CCDC92: variants seen among roughly 807,000 people sequenced by gnomAD.
CCDC92 encodes the protein coiled-coil domain containing 92.
Under a neutral mutation model 24.9 loss-of-function variants are expected in CCDC92, and 12 were observed. The observed-to-expected ratio is 0.48, with a 90% CI of 0.31 to 0.78. The LOEUF (loss-of-function observed/expected upper bound fraction) is 0.78. Ranked by LOEUF, CCDC92 falls within the 30% of genes least tolerant of loss-of-function variation. The pLI is 0.05. For missense variants in CCDC92, 399 were observed against 439.4 expected, an observed-to-expected ratio of 0.91 and a Z score of 0.82; for synonymous variants, 193 against 196.3, an observed-to-expected ratio of 0.98 and a Z score of 0.14.
chr12:123,953,864 G>A (rs925205815), intron 1 of CCDC92, among the ~76,000 whole-genome samples: 7 of 152,186 alleles, frequency 4.6e-5, no homozygotes, highest in Non-Finnish European at 1.0e-4. Context: ...ACTGAGGCAA[G>A]AGAATCGCTT....
chr12:123,970,490 C>T (rs1253521805), intron 1 of CCDC92: 1 of 152,240 alleles, frequency 6.6e-6, no homozygotes, highest in African/African-American at 2.4e-5. Context: ...ACAATTAGGA[C>T]ACAGCCACTT....
intron 1 of CCDC92, among the ~76,000 whole-genome samples, chr12:123,950,873 A>T (rs747320102): frequency 1.3e-5 from 2 of 152,038 alleles, no homozygotes; most frequent in Non-Finnish European, 2.9e-5. Context: ...CACATTTCTG[A>T]TCACCTTGCA....
At chr12:123,949,571 T>C (rs1436299986) in intron 1 of CCDC92, among the ~76,000 whole-genome samples, 2 of 152,188 alleles carry the variant, frequency 1.3e-5, no homozygotes, top group South Asian at 2.1e-4. Context: ...GCAGAAGCAA[T>C]GCAAATGGGT....
In CCDC92 at chr12:123,944,168, G is replaced by A. The variant is rs1955775540; in HGVS notation, c.34+104C>T. 6.5e-6 allele frequency: 5 copies of A among 772,718 alleles called. No homozygotes were observed. In the Admixed American group the frequency reaches 1.0e-4, roughly 15 times the overall value. The allele number at this position is 772,718 out of a possible 1,614,324, so 47.9% of individuals were successfully genotyped here. On this transcript the variant is annotated intron_variant, in intron 2 of 4. Transcript: ENST00000238156. ...GGGAAGGTCTGAGAACGTATCTCATGGGGCCAGGGGGTGGTGCAGGTGTCT... is the reference window on the plus strand; with the variant it reads ...GGGAAGGTCTGAGAACGTATCTCATAGGGCCAGGGGGTGGTGCAGGTGTCT...
At chr12:123,939,798 A>T (rs1480223641) in intron 4 of CCDC92, among the ~76,000 whole-genome samples, 1 of 152,194 alleles carries the variant, frequency 6.6e-6, no homozygotes, top group Non-Finnish European at 1.5e-5. Flanking sequence ...GACTCTGTAG[A>T]CACTGTAAGA....
At position 123,944,369 on chromosome 12, in the gene CCDC92, G is replaced by A; in HGVS notation, c.-59-5C>T. ...CTTGTACAGCACTGAAAAATACTGA[G>A]GATGAAATGTGAGTTATTTGCTTAT... is the stretch of plus-strand genomic sequence containing the variant. On this transcript the variant is annotated splice_polypyrimidine_tract_variant and splice_region_variant and intron_variant, in intron 1 of 4. Transcript: ENST00000238156. The A allele has an allele frequency of 7.2e-7, 1 of 1,395,786 alleles. No individual in the cohort carries two copies. 86.5% of individuals were successfully genotyped at this position (1,395,786 alleles called of 1,614,324 possible). A position where few individuals can be genotyped will look rare whatever the true frequency, so the allele number is the denominator to read the frequency against.
chr12:123,967,774 A>G (rs1007808143), intron 1 of CCDC92, among the ~76,000 whole-genome samples: 10 of 152,242 alleles, frequency 6.6e-5, no homozygotes, highest in Non-Finnish European at 1.2e-4. Flanking sequence ...GTATTGTAAT[A>G]ATATTGAGAA....
At chr12:123,942,902 A>G in intron 3 of CCDC92, 117 bp from the exon 4 acceptor site, 1 of 817,460 alleles carries the variant, frequency 1.2e-6, no homozygotes, top group Non-Finnish European at 2.1e-6. Context: ...CAGACAGAGC[A>G]GGGTTTGGCA....
rs372710412 is a variant in CCDC92, at chr12:123,957,535, C to T, written c.-59-13171G>A. Among the ~76,000 whole-genome samples, 8 of 152,118 alleles carry T rather than the reference C, an allele frequency of 5.3e-5. No individual in the cohort carries two copies. The East Asian group carries it at 1.3e-3, about 26-fold the overall frequency. Reference sequence around the variant, plus strand: ...GCAATCATGTTTGAGGATAACTGTCCTAACACATTCCCTGGGTCTAAGGCA... The same window carrying T: ...GCAATCATGTTTGAGGATAACTGTCTTAACACATTCCCTGGGTCTAAGGCA... On this transcript the variant is annotated intron_variant, in intron 1 of 4. Coordinates refer to ENST00000238156, the MANE Select transcript of CCDC92 (RefSeq NM_025140.3).
intron 1 of CCDC92, chr12:123,962,798 T>A (rs1442066981): frequency 6.6e-6 from 1 of 152,316 alleles, no homozygotes; most frequent in African/African-American, 2.4e-5. Context: ...GGTGTTTTTT[T>A]TTTCCCTCAG....
At chr12:123,955,759 T>C (rs1409626664) in intron 1 of CCDC92, among the ~76,000 whole-genome samples, 1 of 152,200 alleles carries the variant, frequency 6.6e-6, no homozygotes, top group Non-Finnish European at 1.5e-5. Flanking sequence ...GCTGGGATTA[T>C]AAATGCCAGA....
intron 1 of CCDC92, chr12:123,968,527 CTTGG>C (rs1566182448): frequency 6.6e-6 from 1 of 151,618 alleles, no homozygotes; most frequent in Non-Finnish European, 1.5e-5. Context: ...AGTTTTATTT[CTTGG>C]TTGGCCAGAA....
chr12:123,937,924 C>T lies in CCDC92; in HGVS notation c.224-94G>A. The T allele has an allele frequency of 7.6e-7, 1 of 1,321,482 alleles. No homozygotes were observed. The highest frequency in any genetic ancestry group is 1.0e-6 in the Non-Finnish European group (1 of 965,060). The allele number at this position is 1,321,482 out of a possible 1,614,324, so 81.9% of individuals were successfully genotyped here. A position where few individuals can be genotyped will look rare whatever the true frequency, so the allele number is the denominator to read the frequency against. ...GGCAGGCGGACCTGTCTGGTGGGGG[C>T]CCTGTCTAGGCTGTGGGGGCCATGC... On this transcript the variant is annotated intron_variant, in intron 4 of 4. Coordinates refer to ENST00000238156, the MANE Select transcript of CCDC92 (RefSeq NM_025140.3). This position sits in a 1 kb window ranked among gnomAD's most constrained non-coding sequence, Gnocchi z 8.4.
intron 1 of CCDC92, among the ~76,000 whole-genome samples, chr12:123,947,005 T>C (rs1428694086): frequency 2.0e-5 from 3 of 152,188 alleles, no homozygotes; most frequent in East Asian, 1.9e-4. Flanking sequence ...GCTGGAGTTC[T>C]GGGTGGGCGT....
Position 123,936,931 on chromosome 12 carries a change from GA to G in CCDC92, c.*126del. The G allele has an allele frequency of 3.0e-6, 3 of 1,016,298 alleles. No individual in the cohort carries two copies. Among genetic ancestry groups the G allele is most frequent in the Non-Finnish European group, 4.3e-6 (3 of 690,210 alleles). 63.0% of individuals were successfully genotyped at this position (1,016,298 alleles called of 1,614,324 possible). On this transcript the variant is annotated 3_prime_UTR_variant, in exon 5 of 5. Coordinates refer to ENST00000238156, the MANE Select transcript of CCDC92 (RefSeq NM_025140.3). ...TGTGAAGAAGAGGGCAAGAGAAGCA[GA>G]AGGAGAATGGGTCGGTAGGTGTGAA...
intron 1 of CCDC92, among the ~76,000 whole-genome samples, chr12:123,948,276 T>A (rs571122832): frequency 3.5e-4 from 53 of 152,238 alleles, no homozygotes; most frequent in Non-Finnish European, 5.0e-4. Context: ...GGAGTACAAA[T>A]GTTATCAGCA....
intron 1 of CCDC92, among the ~76,000 whole-genome samples, chr12:123,967,628 G>A (rs901058830): frequency 6.6e-6 from 1 of 152,214 alleles, no homozygotes; most frequent in African/African-American, 2.4e-5. Flanking sequence ...AGATAATTAT[G>A]CTATGTATGA....
At chr12:123,949,604 T>C (rs1201551758) in intron 1 of CCDC92, among the ~76,000 whole-genome samples, 1 of 152,246 alleles carries the variant, frequency 6.6e-6, no homozygotes. Flanking sequence ...AAAGTCCTGC[T>C]GAATAGGTTA....
At chr12:123,942,977 G>C (rs35825716) in intron 3 of CCDC92, among the ~76,000 whole-genome samples, 192 bp from the exon 4 acceptor site, 42,467 of 151,982 alleles carry the variant, frequency 0.28, 6,137 homozygotes, top group Middle Eastern at 0.33. Flanking sequence ...TGGGGTCAGA[G>C]GGCACCCTCT....
Sources: allele counts gnomAD v4.1 joint callset (sites outside exome capture counted in the v4.1 genomes callset), GRCh38; gene constraint gnomAD v4.1.1; non-coding constraint Gnocchi (gnomAD v3.1); transcripts MANE v1.5; gene names NCBI Gene and HGNC (gene_info 2026-07-23, HGNC 2026-07-21).